Variants in PRKCZ observed in about 807,000 individuals in gnomAD.
The protein encoded by PRKCZ is protein kinase C zeta.
In PRKCZ, 33 loss-of-function variants were observed where a neutral mutation model predicts 79.5. The ratio of observed to expected loss-of-function variants is 0.41; its 90% CI spans 0.31 to 0.55. PRKCZ has a LOEUF of 0.55. Ranked by LOEUF, PRKCZ falls within the 20% of genes least tolerant of loss-of-function variation. The probability of loss-of-function intolerance (pLI) is 0.19; values close to 1 mark genes in which losing one functional copy is unlikely to be tolerated. For synonymous variants in PRKCZ, 342 were observed against 320.9 expected (o/e 1.07, Z -0.70); for missense variants, 578 against 813.5 (o/e 0.71, Z 3.52).
In PRKCZ at chr1:2,172,083, C is replaced by G. The variant is rs1278634923; in HGVS notation, c.1090C>G (p.Leu364Val). The G allele has an allele frequency of 6.2e-7, 1 of 1,612,886 alleles. No individual in the cohort carries two copies. The highest frequency in any genetic ancestry group is 1.7e-5 in the Admixed American group (1 of 59,954). Reference protein sequence around the residue: ...RFYAAEICIALNFLHERGIIY... With the variant: ...RFYAAEICIAVNFLHERGIIY... Reference sequence around the variant, plus strand: ...CTACGCGGCCGAGATCTGCATCGCCCTCAACTTCCTGCACGAGAGGGGGAT... The same window carrying G: ...CTACGCGGCCGAGATCTGCATCGCCGTCAACTTCCTGCACGAGAGGGGGAT... Residue 364 changes from leucine (L) to valine (V), a missense_variant, in exon 12 of 18, where the codon CTC becomes GTC. Transcript: ENST00000378567. The surrounding 1 kb of genome is among the most constrained non-coding windows in gnomAD (Gnocchi z 7.8).
At chr1:2,089,309 G>T (rs923194616) in intron 4 of PRKCZ, among the ~76,000 whole-genome samples, 4 of 152,190 alleles carry the variant, frequency 2.6e-5, no homozygotes, top group African/African-American at 9.7e-5. Flanking sequence ...TGAGCATGAG[G>T]ATACTCAGAG....
rs1684585998 is a variant in PRKCZ at position 2,172,259 on chromosome 1, A to G, written c.1198-42A>G. Reference sequence around the variant, plus strand: ...TCTCGGGGCGCCTGTCCCGCGGGGTAGTGTCTACAAGAACCCTCTCCCAGT... The same window carrying G: ...TCTCGGGGCGCCTGTCCCGCGGGGTGGTGTCTACAAGAACCCTCTCCCAGT... On this transcript the variant is annotated intron_variant, in intron 12 of 17. Coordinates refer to ENST00000378567, the MANE Select transcript of PRKCZ (RefSeq NM_002744.6). The surrounding 1 kb of genome is among the most constrained non-coding windows in gnomAD (Gnocchi z 7.8). 6.2e-7 allele frequency: 1 copy of G among 1,613,452 alleles called. No homozygotes were observed. Among genetic ancestry groups the G allele is most frequent in the Non-Finnish European group, 8.5e-7 (1 of 1,179,986 alleles).
At chr1:2,062,575 T>C (rs1320984448) in intron 4 of PRKCZ, among the ~76,000 whole-genome samples, 1 of 151,554 alleles carries the variant, frequency 6.6e-6, no homozygotes, top group African/African-American at 2.4e-5. Flanking sequence ...ACTACTACTC[T>C]GCCTCTCAGG....
intron 4 of PRKCZ, among the ~76,000 whole-genome samples, chr1:2,085,044 G>A (rs1259762838): frequency 6.6e-6 from 1 of 151,814 alleles, no homozygotes; most frequent in Non-Finnish European, 1.5e-5. Context: ...GTCAGGCACA[G>A]AAGCCAGACA....
At chr1:2,103,888 C>T (rs751433134) in intron 4 of PRKCZ, among the ~76,000 whole-genome samples, 3 of 152,304 alleles carry the variant, frequency 2.0e-5, no homozygotes, top group Non-Finnish European at 4.4e-5. Context: ...AAGGGCAACG[C>T]GCCCCCGTTT....
At position 2,149,351 on chromosome 1, in the gene PRKCZ, C is replaced by T. The variant is rs2103196620; in HGVS notation, c.687+427C>T. On this transcript the variant is annotated intron_variant, in intron 8 of 17. Transcript: ENST00000378567. This position sits in a 1 kb window ranked among gnomAD's most constrained non-coding sequence, Gnocchi z 4.1. ...TCCTTCCCCAACTTGAGCCAAGAGGCTCAACTGAGCCTCACGTCTGTGGCC... is the reference window on the plus strand; with the variant it reads ...TCCTTCCCCAACTTGAGCCAAGAGGTTCAACTGAGCCTCACGTCTGTGGCC... Among the ~76,000 whole-genome samples the T allele has an allele frequency of 6.6e-6, 1 of 152,370 alleles. No homozygotes were observed. The highest frequency in any genetic ancestry group is 2.1e-4 in the South Asian group (1 of 4,830).
At position 2,180,392 on chromosome 1, in the gene PRKCZ, G is replaced by A. The variant is rs111292099; in HGVS notation, c.1576-4191G>A. On this transcript the variant is annotated intron_variant, in intron 16 of 17. Coordinates refer to ENST00000378567, the MANE Select transcript of PRKCZ (RefSeq NM_002744.6). ...ATGTGGACGCACAGACGACATGGAC[G>A]CACAGACGATGTGGATGCACGGACG... is the stretch of plus-strand genomic sequence containing the variant. Among the ~76,000 whole-genome samples, 422 of 152,238 alleles carry A rather than the reference G, an allele frequency of 2.8e-3. 2 individuals are homozygous for A. Among genetic ancestry groups the A allele is most frequent in the African/African-American group, 9.7e-3 (404 of 41,536 alleles).
chr1:2,171,333 C>T lies in PRKCZ; in HGVS notation c.1062-722C>T, dbSNP rs1295633149. On this transcript the variant is annotated intron_variant, in intron 11 of 17. Coordinates refer to ENST00000378567, the MANE Select transcript of PRKCZ (RefSeq NM_002744.6). ...CTCCAGCCTGGGTGACAGAGTGAAA[C>T]TCTGTCTCAAAAAAAAAAAAAAAAA... Among the ~76,000 whole-genome samples the T allele has an allele frequency of 6.6e-5, 9 of 135,850 alleles. No individual in the cohort carries two copies. In the East Asian group the frequency reaches 1.1e-3, roughly 17 times the overall value. 89.1% of individuals were successfully genotyped at this position (135,850 alleles called of 152,430 possible).
chr1:2,179,634 A>G (rs775648186), intron 16 of PRKCZ, among the ~76,000 whole-genome samples: 3 of 152,084 alleles, frequency 2.0e-5, no homozygotes, highest in Non-Finnish European at 4.4e-5. Flanking sequence ...CTGGATGGAA[A>G]CGTTTGCGTG....
At chr1:2,055,984 A>G (rs1472417826) in intron 2 of PRKCZ, 1 of 183,336 alleles carries the variant, frequency 5.5e-6, no homozygotes, top group Non-Finnish European at 1.1e-5. Context: ...CACATCCTGA[A>G]AAACAAGGGG....
intron 16 of PRKCZ, among the ~76,000 whole-genome samples, chr1:2,179,934 A>G (rs1278574611): frequency 6.6e-6 from 1 of 152,172 alleles, no homozygotes; most frequent in Non-Finnish European, 1.5e-5. Flanking sequence ...AGGGCAGGTG[A>G]CAAGAGGCCC....
rs1666025733 is a variant in PRKCZ, at chr1:2,094,242, G to A, written c.334+34651G>A. On this transcript the variant is annotated intron_variant, in intron 4 of 17. Coordinates refer to ENST00000378567, the MANE Select transcript of PRKCZ (RefSeq NM_002744.6). The surrounding 1 kb of genome is among the most constrained non-coding windows in gnomAD (Gnocchi z 7.3). ...AGGGACGTGGTTCCAGTCCTGCTGT[G>A]CCAAGCCTGGTGACCCGAGGGTACC... is the stretch of plus-strand genomic sequence containing the variant. Among the ~76,000 whole-genome samples the A allele has an allele frequency of 6.6e-6, 1 of 152,148 alleles. No homozygotes were observed. Among genetic ancestry groups the A allele is most frequent in the Non-Finnish European group, 1.5e-5 (1 of 68,038 alleles).
intron 4 of PRKCZ, among the ~76,000 whole-genome samples, chr1:2,123,873 C>T (rs185108353): frequency 1.7e-3 from 5 of 2,896 alleles, no homozygotes; most frequent in African/African-American, 2.6e-3. Context: ...GTCACGGTGG[C>T]GGTTAGGGTC....
rs1236087398 is a variant in PRKCZ, at chr1:2,177,480, A to G, written c.1575+2167A>G. 6.6e-6 allele frequency among the ~76,000 whole-genome samples: 1 copy of G among 152,108 alleles called. No homozygotes were observed. On this transcript the variant is annotated intron_variant, in intron 16 of 17. Transcript: ENST00000378567. This position sits in a 1 kb window ranked among gnomAD's most constrained non-coding sequence, Gnocchi z 6.4. ...AGCCGGGCCCCTGATCTTGTCTCTC[A>G]ACCACTCTTGGTTTACCGGGAGTGG...
chr1:2,183,506 G>A (rs1021246801), intron 16 of PRKCZ: 1 of 152,184 alleles, frequency 6.6e-6, no homozygotes, highest in African/African-American at 2.4e-5. Flanking sequence ...AGGGTGAATG[G>A]GAGTGGGTTA....
chr1:2,120,371 C>T (rs1448408762), intron 4 of PRKCZ, among the ~76,000 whole-genome samples: 2 of 130,652 alleles, frequency 1.5e-5, no homozygotes, highest in Non-Finnish European at 1.5e-5. Flanking sequence ...GCGATCTCGA[C>T]TCACTGCAAT....
At chr1:2,116,344 G>A (rs1332212486) in intron 4 of PRKCZ, 1 of 152,222 alleles carries the variant, frequency 6.6e-6, no homozygotes, top group African/African-American at 2.4e-5. Flanking sequence ...CGGGTTATTG[G>A]GGACCCTCCT....
At chr1:2,135,375 T>G (rs774121783) in intron 5 of PRKCZ, 28 bp downstream of exon 5, 2 of 1,555,570 alleles carry the variant, frequency 1.3e-6, no homozygotes. Flanking sequence ...GACTAGTCCC[T>G]CAAGGGGCCT....
chr1:2,078,513 G>T (rs1285339042), intron 4 of PRKCZ, among the ~76,000 whole-genome samples: 1 of 152,168 alleles, frequency 6.6e-6, no homozygotes, highest in Non-Finnish European at 1.5e-5. Flanking sequence ...CAAGTTTCAT[G>T]ATAATGTTCC....
Sources: gnomAD v4.1 joint callset for allele counts (sites outside exome capture counted in the v4.1 genomes callset) on GRCh38, gnomAD v4.1.1 for gene constraint, Gnocchi (gnomAD v3.1) non-coding constraint, MANE v1.5 for transcripts, NCBI Gene and HGNC (gene_info 2026-07-23, HGNC 2026-07-21) for gene names.